Variants in FOXP1 observed in about 807,000 individuals in gnomAD.
The protein encoded by FOXP1 is forkhead box P1, also known as forkhead box protein P1.
A neutral mutation model predicts 98.2 loss-of-function variants in FOXP1; 15 were observed. The ratio of observed to expected loss-of-function variants is 0.15; its 90% CI spans 0.10 to 0.24. The LOEUF (loss-of-function observed/expected upper bound fraction) is 0.24. Ranked by LOEUF, FOXP1 falls within the 10% of genes least tolerant of loss-of-function variation. FOXP1 has a pLI of 1.00. For missense variants in FOXP1, 633 were observed against 848.5 expected (o/e 0.75, Z 3.15); for synonymous variants, 371 against 314.5 (o/e 1.18, Z -1.90).
intron 2 of FOXP1, among the ~76,000 whole-genome samples, chr3:71,563,551 T>G (rs778476991): frequency 6.6e-6 from 1 of 152,222 alleles, no homozygotes; most frequent in Non-Finnish European, 1.5e-5. Context: ...CACCGGGCTG[T>G]GAGAATATTT....
chr3:71,224,505 C>A (rs2065672810), intron 5 of FOXP1, among the ~76,000 whole-genome samples: 1 of 152,118 alleles, frequency 6.6e-6, no homozygotes, highest in African/African-American at 2.4e-5. Context: ...ACAATCCGCA[C>A]AAGTGATGGG....
intron 19 of FOXP1, among the ~76,000 whole-genome samples, chr3:70,967,709 T>G (rs1559586368): frequency 3.3e-5 from 4 of 121,132 alleles, no homozygotes; most frequent in Non-Finnish European, 5.0e-5. Context: ...TGTTTTTTTT[T>G]GTTTTTTTTT....
chr3:71,521,542 G>C (rs1163293087), intron 2 of FOXP1, among the ~76,000 whole-genome samples: 1 of 150,844 alleles, frequency 6.6e-6, no homozygotes, highest in Non-Finnish European at 1.5e-5. Context: ...AAAAAGGGCA[G>C]GGGGAGGGGG....
intron 5 of FOXP1, among the ~76,000 whole-genome samples, chr3:71,287,074 A>G (rs996634392): frequency 3.9e-4 from 60 of 152,342 alleles, no homozygotes; most frequent in African/African-American, 1.4e-3. Context: ...ATATTAAGTA[A>G]TAACTTGGGA....
intron 3 of FOXP1, among the ~76,000 whole-genome samples, chr3:71,372,017 C>T (rs987290547): frequency 4.1e-5 from 6 of 144,682 alleles, no homozygotes; most frequent in Middle Eastern, 3.4e-3. Flanking sequence ...TTCTTTCTTT[C>T]TTTTTTTTTT....
intron 4 of FOXP1, among the ~76,000 whole-genome samples, chr3:71,324,874 G>A (rs899595850): frequency 2.6e-5 from 4 of 152,138 alleles, no homozygotes; most frequent in Non-Finnish European, 4.4e-5. Flanking sequence ...AAAGGGCCAT[G>A]CTAATGAGCA....
At position 71,384,750 on chromosome 3, in the gene FOXP1, T is replaced by A. The variant is rs764838635; in HGVS notation, c.-167-25506A>T. Among the ~76,000 whole-genome samples the A allele has an allele frequency of 1.3e-5, 2 of 152,154 alleles. 1 individual carries two copies. The highest frequency in any genetic ancestry group is 4.8e-5 in the African/African-American group (2 of 41,418). Reference sequence around the variant, plus strand: ...CTGGCAGTCTGAGTGGTGGAGTGGGTGGCAATGAAAGCTTTTTAATTTTAA... The same window carrying A: ...CTGGCAGTCTGAGTGGTGGAGTGGGAGGCAATGAAAGCTTTTTAATTTTAA... On this transcript the variant is annotated intron_variant, in intron 3 of 20. Transcript: ENST00000649528.
At chr3:71,274,646 A>G (rs187314146) in intron 5 of FOXP1, among the ~76,000 whole-genome samples, 103 of 152,328 alleles carry the variant, frequency 6.8e-4, no homozygotes, top group African/African-American at 2.5e-3. Context: ...TCGATAACAC[A>G]GTGATCCACG....
chr3:71,520,033 A>G (rs1394506106), intron 2 of FOXP1, among the ~76,000 whole-genome samples: 1 of 152,262 alleles, frequency 6.6e-6, no homozygotes. Context: ...AAATTAGATG[A>G]AAAAGAGACA....
At chr3:71,364,325 A>G (rs551459632) in intron 3 of FOXP1, among the ~76,000 whole-genome samples, 20 of 152,340 alleles carry the variant, frequency 1.3e-4, no homozygotes, top group Admixed American at 1.3e-4. Flanking sequence ...TAAGGGTAGT[A>G]AAAGGAAAGG....
At chr3:71,015,321 C>A (rs994483709) in intron 12 of FOXP1, among the ~76,000 whole-genome samples, 1 of 151,940 alleles carries the variant, frequency 6.6e-6, no homozygotes, top group African/African-American at 2.4e-5. Flanking sequence ...AATATGGGCT[C>A]TTACTAAGAC....
intron 16 of FOXP1, 151 bp from the exon 17 acceptor site, chr3:70,977,193 A>G (rs766438447): frequency 3.1e-5 from 20 of 638,164 alleles, no homozygotes; most frequent in Non-Finnish European, 5.0e-5. Context: ...GTTGTATTTA[A>G]CAGTTCAATA....
chr3:71,516,248 T>A (rs1477666482), intron 2 of FOXP1, among the ~76,000 whole-genome samples: 1 of 152,184 alleles, frequency 6.6e-6, no homozygotes, highest in Admixed American at 6.5e-5. Flanking sequence ...ATTTCAAACT[T>A]ACTGTCAAAG....
chr3:70,957,139 C>T lies in FOXP1; in HGVS notation c.*2108G>A, dbSNP rs924173652. 9.0e-6 allele frequency: 2 copies of T among 221,594 alleles called. No individual in the cohort carries two copies. Among genetic ancestry groups the T allele is most frequent in the Non-Finnish European group, 1.8e-5 (2 of 110,922 alleles). 13.7% of individuals were successfully genotyped at this position (221,594 alleles called of 1,614,324 possible). ...TCTCCTTTATTGGATACTCTAATTG[C>T]AGTGGCATACATTCATTTTTTTTTT... On this transcript the variant is annotated 3_prime_UTR_variant, in exon 21 of 21. Transcript: ENST00000649528.
intron 5 of FOXP1, among the ~76,000 whole-genome samples, chr3:71,258,916 C>A (rs1274579391): frequency 6.6e-6 from 1 of 152,080 alleles, no homozygotes; most frequent in Admixed American, 6.6e-5. Flanking sequence ...GAGTCCCAGA[C>A]AGCCGGATCA....
chr3:71,535,342 G>A (rs886915544), intron 2 of FOXP1, among the ~76,000 whole-genome samples: 1 of 152,118 alleles, frequency 6.6e-6, no homozygotes, highest in African/African-American at 2.4e-5. Context: ...ATGGCAAGCA[G>A]GTCATGGCCT....
intron 7 of FOXP1, among the ~76,000 whole-genome samples, chr3:71,075,580 G>A (rs2053717224): frequency 6.6e-6 from 1 of 152,174 alleles, no homozygotes; most frequent in Non-Finnish European, 1.5e-5. Flanking sequence ...ATCTACAAGA[G>A]GCAAAATAGC....
chr3:71,381,325 C>T (rs1429491078), intron 3 of FOXP1, among the ~76,000 whole-genome samples: 5 of 151,668 alleles, frequency 3.3e-5, no homozygotes, highest in Admixed American at 3.3e-4. Context: ...TAATTTTTTG[C>T]ATTTTTAGTA....
intron 4 of FOXP1, among the ~76,000 whole-genome samples, chr3:71,338,391 A>G (rs2076813574): frequency 6.6e-6 from 1 of 152,220 alleles, no homozygotes; most frequent in Admixed American, 6.5e-5. Context: ...GAGAAACAAA[A>G]CATCTTAACT....
Sources: allele counts gnomAD v4.1 joint callset (sites outside exome capture counted in the v4.1 genomes callset), GRCh38; gene constraint gnomAD v4.1.1; transcripts MANE v1.5; gene names NCBI Gene and HGNC (gene_info 2026-07-23, HGNC 2026-07-21).